The following STAT5A variants were observed in gnomAD, a reference collection of about 807,000 sequenced individuals.
STAT5A encodes the protein signal transducer and activator of transcription 5A, also known as epididymis secretory sperm binding protein.
A neutral mutation model predicts 100.2 loss-of-function variants in STAT5A; 26 were observed. That is an observed-to-expected ratio of 0.26 (90% CI 0.19 to 0.36). STAT5A has a LOEUF of 0.36. Among genes scored for constraint, STAT5A ranks in the 10% least tolerant of loss-of-function variants. The pLI, the probability that STAT5A is intolerant of heterozygous loss-of-function variation, is 1.00. For missense variants in STAT5A, 634 were observed against 1,027.5 expected (o/e 0.62, Z 5.24); for synonymous variants, 330 against 424.3 (o/e 0.78, Z 2.73).
intron 13 of STAT5A, 74 bp from the exon 14 acceptor site, chr17:42,307,328 G>A (rs1318175789): frequency 1.4e-6 from 2 of 1,480,320 alleles, no homozygotes; most frequent in Admixed American, 3.8e-5. Flanking sequence ...GGTGGGGGCA[G>A]GAGGGCCCTG....
chr17:42,297,319 T>A (rs57135913), intron 5 of STAT5A, among the ~76,000 whole-genome samples: 11,160 of 152,296 alleles, frequency 0.073, 1,351 homozygotes, highest in African/African-American at 0.25. Context: ...CAGCTCCTTC[T>A]GAGAATGGAA....
intron 4 of STAT5A, 29 bp downstream of exon 4, chr17:42,292,090 T>C: frequency 6.2e-7 from 1 of 1,609,454 alleles, no homozygotes; most frequent in Admixed American, 1.7e-5. Context: ...TGGGGAGGAG[T>C]GTTGAGAAGT....
intron 2 of STAT5A, 30 bp downstream of exon 2, chr17:42,289,569 G>C: frequency 6.2e-7 from 1 of 1,607,854 alleles, no homozygotes; most frequent in Non-Finnish European, 8.5e-7. Flanking sequence ...CCCCTCCTCA[G>C]AGGGTCCCTA....
intron 4 of STAT5A, among the ~76,000 whole-genome samples, chr17:42,294,836 G>GGACTT (rs1185692134): frequency 6.6e-6 from 1 of 152,110 alleles, no homozygotes; most frequent in Non-Finnish European, 1.5e-5. Flanking sequence ...AAGCCTCTGA[G>GGACTT]GACTTGTTCC....
chr17:42,304,706 G>A lies in STAT5A; in HGVS notation c.1380+54G>A, dbSNP rs2081012150. On this transcript the variant is annotated intron_variant, in intron 11 of 18. Coordinates refer to ENST00000590949, the MANE Select transcript of STAT5A (RefSeq NM_001288718.2). This position sits in a 1 kb window ranked among gnomAD's most constrained non-coding sequence, Gnocchi z 4.8. ...TGCTCCAGGTCACCCAAGAGGTGGA[G>A]GGGCCTGCCTCAGGACTCCTGGCAG... 5.6e-6 allele frequency: 9 copies of A among 1,606,684 alleles called. No individual in the cohort carries two copies. Among genetic ancestry groups the A allele is most frequent in the Non-Finnish European group, 7.7e-6 (9 of 1,175,958 alleles).
In STAT5A at chr17:42,308,536, C is replaced by T; in HGVS notation, c.2062+203C>T. 1 of 668,594 alleles carries T rather than the reference C, an allele frequency of 1.5e-6. No homozygotes were observed. The highest frequency in any genetic ancestry group is 1.9e-5 in the South Asian group (1 of 51,510). 41.4% of individuals were successfully genotyped at this position (668,594 alleles called of 1,614,324 possible). On this transcript the variant is annotated intron_variant, in intron 16 of 18. Transcript: ENST00000590949. The surrounding 1 kb of genome is among the most constrained non-coding windows in gnomAD (Gnocchi z 4.6). Reference sequence around the variant, plus strand: ...GGAACGAGAAACCCGTCCCAGCTCTCTTCTCTGCAAAGTGAAAGCTGCATG... The same window carrying T: ...GGAACGAGAAACCCGTCCCAGCTCTTTTCTCTGCAAAGTGAAAGCTGCATG...
At position 42,307,505 on chromosome 17, in the gene STAT5A, C is replaced by CG; in HGVS notation, c.1775+14dup. On this transcript the variant is annotated intron_variant, in intron 14 of 18. Transcript: ENST00000590949. The stretch of plus-strand genomic sequence containing the variant: ...CCCCACTGGAATGATGGGTAAGGAA[C>CG]GGGGGCTGCAGGGTCAGGGGCCAGC... The CG allele has an allele frequency of 1.9e-6, 3 of 1,614,010 alleles. No individual in the cohort carries two copies. The highest frequency in any genetic ancestry group is 2.5e-6 in the Non-Finnish European group (3 of 1,179,986).
At chr17:42,305,576 G>A (rs373474645) in intron 11 of STAT5A, 34 bp from the exon 12 acceptor site, 42 of 1,592,020 alleles carry the variant, frequency 2.6e-5, no homozygotes, top group Admixed American at 1.2e-4. Flanking sequence ...TGGTGGTCAC[G>A]CCCCATCAAC....
chr17:42,310,799 T>TGTCC lies in STAT5A; in HGVS notation c.*131_*134dup. 3.6e-6 allele frequency: 5 copies of TGTCC among 1,383,196 alleles called. No homozygotes were observed. The allele number at this position is 1,383,196 out of a possible 1,614,324, so 85.7% of individuals were successfully genotyped here. A position where few individuals can be genotyped will look rare whatever the true frequency, so the allele number is the denominator to read the frequency against. On this transcript the variant is annotated 3_prime_UTR_variant, in exon 19 of 19. Coordinates refer to ENST00000590949, the MANE Select transcript of STAT5A (RefSeq NM_001288718.2). Reference sequence around the variant, plus strand: ...GTGCTTGTGTGTGTGTGTGTGTGTGTGTCCTTGTGCATGAGCTACGCCTGC... The same window carrying TGTCC: ...GTGCTTGTGTGTGTGTGTGTGTGTGTGTCCGTCCTTGTGCATGAGCTACGCCTGC...
In STAT5A at chr17:42,310,846, T is replaced by A; in HGVS notation, c.*177T>A. On this transcript the variant is annotated 3_prime_UTR_variant, in exon 19 of 19. Coordinates refer to ENST00000590949, the MANE Select transcript of STAT5A (RefSeq NM_001288718.2). ...CTGCCTCCCCTGTGCAGTCCTGGGA[T>A]GTGGCTGCAGCAGCGGTGGCCTCTT... The A allele has an allele frequency of 2.7e-6, 3 of 1,114,014 alleles. No homozygotes were observed. Among genetic ancestry groups the A allele is most frequent in the Non-Finnish European group, 3.8e-6 (3 of 799,968 alleles). 69.0% of individuals were successfully genotyped at this position (1,114,014 alleles called of 1,614,324 possible). A position where few individuals can be genotyped will look rare whatever the true frequency, so the allele number is the denominator to read the frequency against.
At chr17:42,290,089 G>A (rs1481609490) in intron 3 of STAT5A, 67 bp downstream of exon 3, 2 of 1,491,618 alleles carry the variant, frequency 1.3e-6, no homozygotes, top group African/African-American at 2.8e-5. Context: ...AGAACCCCTG[G>A]GTTTTTTCCT....
intron 11 of STAT5A, among the ~76,000 whole-genome samples, chr17:42,305,228 G>C (rs60288073): frequency 0.19 from 28,562 of 151,798 alleles, 2,928 homozygotes; most frequent in East Asian, 0.36. Flanking sequence ...TGCGGCCATG[G>C]GTGGTGGGTC....
chr17:42,300,560 C>T (rs529677065), intron 7 of STAT5A, among the ~76,000 whole-genome samples, 155 bp from the exon 8 acceptor site: 40 of 152,102 alleles, frequency 2.6e-4, no homozygotes, highest in African/African-American at 9.6e-4. Flanking sequence ...GTGTACGTCT[C>T]TAATTCTGGG....
rs3833144 is a variant in STAT5A, at chr17:42,310,778, TTG to T, written c.*131_*132del. On this transcript the variant is annotated 3_prime_UTR_variant, in exon 19 of 19. Coordinates refer to ENST00000590949, the MANE Select transcript of STAT5A (RefSeq NM_001288718.2). ...GACACCTTTGCAGGCATGCATGTGC[TTG>T]TGTGTGTGTGTGTGTGTGTGTCCTT... The T allele has an allele frequency of 0.086, 109,035 of 1,271,608 alleles. 1,762 individuals are homozygous for T. The highest frequency in any genetic ancestry group is 0.26 in the African/African-American group (17,365 of 67,606). 78.8% of individuals were successfully genotyped at this position (1,271,608 alleles called of 1,614,324 possible).
chr17:42,296,056 G>C (rs2080915406), intron 5 of STAT5A, among the ~76,000 whole-genome samples: 1 of 152,192 alleles, frequency 6.6e-6, no homozygotes, highest in Non-Finnish European at 1.5e-5. Context: ...GGTTCAAAGA[G>C]AACAAGTAAC....
intron 13 of STAT5A, among the ~76,000 whole-genome samples, chr17:42,306,969 C>A (rs1486872575): frequency 2.0e-5 from 3 of 152,088 alleles, no homozygotes; most frequent in Non-Finnish European, 4.4e-5. Flanking sequence ...ATCCGCCCAC[C>A]TCGGCCTCCC....
At chr17:42,306,087 A>G in intron 12 of STAT5A, 154 bp from the exon 13 acceptor site, 9 of 1,375,686 alleles carry the variant, frequency 6.5e-6, no homozygotes, top group Non-Finnish European at 8.9e-6. Context: ...AAGCTAGTAT[A>G]TAAAAGCCGC....
At chr17:42,287,736 C>T (rs1357936272), upstream of STAT5A, 1 of 152,236 alleles carries the variant, frequency 6.6e-6, no homozygotes, top group Non-Finnish European at 1.5e-5. Flanking sequence ...CTGTGTGGCC[C>T]TGGGTGGCCC....
Position 42,304,180 on chromosome 17 carries a change from A to G in STAT5A, c.1170-162A>G. ...GGTGCTGGGCACCAGGTTGATGGAG[A>G]AGTCAGTAACCCAGAAAGACGCCAA... On this transcript the variant is annotated intron_variant, in intron 9 of 18. Coordinates refer to ENST00000590949, the MANE Select transcript of STAT5A (RefSeq NM_001288718.2). The surrounding 1 kb of genome is among the most constrained non-coding windows in gnomAD (Gnocchi z 4.8). 2 of 644,254 alleles carry G rather than the reference A, an allele frequency of 3.1e-6. No homozygotes were observed. Among genetic ancestry groups the G allele is most frequent in the Non-Finnish European group, 5.4e-6 (2 of 373,606 alleles). The allele number at this position is 644,254 out of a possible 1,614,324, so 39.9% of individuals were successfully genotyped here.
Sources: gnomAD v4.1 joint callset for allele counts (sites outside exome capture counted in the v4.1 genomes callset) on GRCh38, gnomAD v4.1.1 for gene constraint, Gnocchi (gnomAD v3.1) non-coding constraint, MANE v1.5 for transcripts, NCBI Gene and HGNC (gene_info 2026-07-23, HGNC 2026-07-21) for gene names.